Variants in URGCP observed in about 807,000 individuals in gnomAD.
URGCP encodes the protein up-regulator of cell proliferation.
In URGCP, 13 loss-of-function variants were observed where a neutral mutation model predicts 24.6. The observed-to-expected ratio is 0.53, with a 90% CI of 0.34 to 0.84. The LOEUF (loss-of-function observed/expected upper bound fraction) is 0.84, where lower values mean the gene tolerates loss of function less well. Ranked by LOEUF, URGCP falls within the 40% of genes least tolerant of loss-of-function variation. The pLI, the probability that URGCP is intolerant of heterozygous loss-of-function variation, is 0.01. For synonymous variants in URGCP, 444 were observed against 487.2 expected (o/e 0.91, Z 1.17); for missense variants, 899 against 1,194.3 (o/e 0.75, Z 3.64).
chr7:43,921,064 C>T (rs1483338979), intron 1 of URGCP, among the ~76,000 whole-genome samples: 1 of 152,220 alleles, frequency 6.6e-6, no homozygotes, highest in Middle Eastern at 3.2e-3. Context: ...CGGTGGCCCA[C>T]ACCTGTAATC....
At chr7:43,918,281 A>AG (rs1387626868) in intron 1 of URGCP, among the ~76,000 whole-genome samples, 1 of 150,766 alleles carries the variant, frequency 6.6e-6, no homozygotes, top group African/African-American at 2.4e-5. Context: ...AAAAAAAAAA[A>AG]GAAAGAAAAA....
At chr7:43,890,484 G>A (rs1287424721) in intron 1 of URGCP, among the ~76,000 whole-genome samples, 3 of 152,092 alleles carry the variant, frequency 2.0e-5, no homozygotes, top group Non-Finnish European at 4.4e-5. Flanking sequence ...CCAAAGTGCT[G>A]GGATTACAGA....
intron 1 of URGCP, chr7:43,919,719 C>T (rs575405567): frequency 3.4e-5 from 47 of 1,376,904 alleles, no homozygotes; most frequent in Non-Finnish European, 4.7e-5. Flanking sequence ...GCAGAGGATC[C>T]GGGAATGGAA....
intron 1 of URGCP, among the ~76,000 whole-genome samples, chr7:43,895,722 G>C (rs952152082): frequency 2.0e-5 from 3 of 152,156 alleles, no homozygotes; most frequent in East Asian, 1.9e-4. Flanking sequence ...GTGGAGTAAA[G>C]GAAATTCTTA....
Position 43,877,199 on chromosome 7 carries a change from C to T in URGCP, c.2264G>A (p.Gly755Asp), listed in dbSNP as rs1233986210. The T allele has an allele frequency of 1.2e-6, 2 of 1,614,132 alleles. No homozygotes were observed. The highest frequency in any genetic ancestry group is 1.3e-5 in the African/African-American group (1 of 75,032). ...TGACGTCAAGGCCCCACCTATCAAG[C>T]CCCCGGAGTCTATCACCAGGATGTG... ...CDHILVIDSG[G>D]LIGGALTSAG... Residue 755 changes from glycine to aspartate, a missense_variant, in exon 6 of 6, where the codon GGC becomes GAC. Coordinates refer to ENST00000453200, the MANE Select transcript of URGCP (RefSeq NM_001077663.3).
upstream of URGCP, among the ~76,000 whole-genome samples, chr7:43,909,840 C>T (rs2095908049): frequency 6.6e-6 from 1 of 151,738 alleles, no homozygotes; most frequent in African/African-American, 2.4e-5. Context: ...GCCAGGAGTT[C>T]AAGACCAGCC....
chr7:43,887,422 G>T lies in URGCP; in HGVS notation c.105C>A (p.Ala35=). 6.2e-7 allele frequency: 1 copy of T among 1,613,770 alleles called. No homozygotes were observed. Among genetic ancestry groups the T allele is most frequent in the African/African-American group, 1.3e-5 (1 of 75,012 alleles). The stretch of plus-strand genomic sequence containing the variant: ...CAATTCATCCAACTTTACCTGCAAT[G>T]GCCACAGCTGTTCGTCTCTCTGATG... ...IKASERRTAV[A]IADLEWREME... is the part of the protein sequence containing the mutation. Residue 35 remains alanine, a synonymous_variant, in exon 3 of 6, where the codon GCC becomes GCA. Coordinates refer to ENST00000453200, the MANE Select transcript of URGCP (RefSeq NM_001077663.3).
intron 1 of URGCP, among the ~76,000 whole-genome samples, chr7:43,912,659 A>T (rs1298998774): frequency 1.3e-5 from 2 of 152,174 alleles, no homozygotes; most frequent in Non-Finnish European, 2.9e-5. Flanking sequence ...ACTTGGGGTA[A>T]TAGTGACATC....
At chr7:43,887,890 CT>C in intron 1 of URGCP, 74 bp from the exon 2 acceptor site, 1 of 941,386 alleles carries the variant, frequency 1.1e-6, no homozygotes, top group Non-Finnish European at 1.6e-6. Context: ...AAACTGATGC[CT>C]TTTAAAATCA....
At chr7:43,925,798 C>T (rs867567561) in intron 1 of URGCP, among the ~76,000 whole-genome samples, 20 of 116,566 alleles carry the variant, frequency 1.7e-4, no homozygotes, top group East Asian at 2.5e-4. Flanking sequence ...CCTCGTCTGG[C>T]TTTTTTTTTT....
At chr7:43,888,510 AAAAAAAAAG>A (rs2095865528) in intron 1 of URGCP, 2 of 152,180 alleles carry the variant, frequency 1.3e-5, no homozygotes, top group Non-Finnish European at 2.9e-5. Flanking sequence ...TCAAAAAAAA[AAAAAAAAAG>A]ACTAAACTAT....
At chr7:43,919,677 G>C in intron 1 of URGCP, 2 of 1,376,416 alleles carry the variant, frequency 1.5e-6, no homozygotes, top group Non-Finnish European at 2.1e-6. Flanking sequence ...CATCCAGGGA[G>C]AGGTGGACCC....
intron 1 of URGCP, among the ~76,000 whole-genome samples, chr7:43,916,711 A>ACCC (rs1352266678): frequency 1.4e-3 from 53 of 39,242 alleles, no homozygotes; most frequent in Non-Finnish European, 2.1e-3. Context: ...CTCCCTACCC[A>ACCC]CCCCCCCCCC....
rs2095850140 is a variant in URGCP, at chr7:43,879,079, A to G, written c.384T>C (p.Asp128=). Residue 128 remains aspartate (D), a synonymous_variant, in exon 6 of 6, where the codon GAT becomes GAC. Transcript: ENST00000453200. ...FLRKLQALNA[D]ARNTTMVLDV... ...CCAGCACCATAGTGGTATTCCTGGCATCAGCATTGAGGGCCTGCAACTTCC... is the reference window on the plus strand; with the variant it reads ...CCAGCACCATAGTGGTATTCCTGGCGTCAGCATTGAGGGCCTGCAACTTCC... 1.2e-6 allele frequency: 2 copies of G among 1,614,072 alleles called. No homozygotes were observed. The highest frequency in any genetic ancestry group is 1.3e-5 in the African/African-American group (1 of 74,920).
upstream of URGCP, among the ~76,000 whole-genome samples, chr7:43,907,817 T>A (rs1162046525): frequency 6.6e-6 from 1 of 152,252 alleles, no homozygotes; most frequent in Non-Finnish European, 1.5e-5. Context: ...ATGGTCTCTT[T>A]TCCTCCTGGG....
rs573127105 is a variant in URGCP at position 43,896,426 on chromosome 7, G to T, written c.15-8610C>A. 3.4e-5 allele frequency among the ~76,000 whole-genome samples: 5 copies of T among 147,372 alleles called. No individual in the cohort carries two copies. In the East Asian group the frequency reaches 9.9e-4, roughly 29 times the overall value. On this transcript the variant is annotated intron_variant, in intron 1 of 5. Coordinates refer to ENST00000453200, the MANE Select transcript of URGCP (RefSeq NM_001077663.3). ...GCCAAGATTGCGCCACGACAATCCA[G>T]CCTGGGCGACAGAGAGAGACTCTGT...
chr7:43,898,184 T>TG (rs2095882210), intron 1 of URGCP, among the ~76,000 whole-genome samples: 1 of 152,206 alleles, frequency 6.6e-6, no homozygotes, highest in South Asian at 2.1e-4. Flanking sequence ...AGAATCAACT[T>TG]GCATTTTCTC....
At chr7:43,879,740 T>C (rs146924011) in intron 5 of URGCP, 1 of 154,512 alleles carries the variant, frequency 6.5e-6, no homozygotes, top group African/African-American at 2.4e-5. Context: ...AATCACTGAA[T>C]CACTCTCTGG....
At chr7:43,908,360 G>T (rs181375553), upstream of URGCP, among the ~76,000 whole-genome samples, 82 of 152,326 alleles carry the variant, frequency 5.4e-4, no homozygotes, top group African/African-American at 1.9e-3. Flanking sequence ...TTACAGGCGT[G>T]AGCCACCATG....
Sources: allele counts gnomAD v4.1 joint callset (sites outside exome capture counted in the v4.1 genomes callset), GRCh38; gene constraint gnomAD v4.1.1; transcripts MANE v1.5; gene names NCBI Gene and HGNC (gene_info 2026-07-23, HGNC 2026-07-21).